PHF21A: variants seen among roughly 807,000 people sequenced by gnomAD.
PHF21A encodes the protein BHC80a.
PHF21A carries 11 observed loss-of-function variants against 82.5 expected under a neutral mutation model. The ratio of observed to expected loss-of-function variants is 0.13; its 90% confidence interval spans 0.08 to 0.22. The LOEUF is 0.22. PHF21A is among the 10% of genes least tolerant of loss of function. PHF21A has a pLI of 1.00. For synonymous variants in PHF21A, 297 were observed against 302.8 expected, an observed-to-expected ratio of 0.98 and a Z score of 0.20; for missense variants, 579 against 837.8, an observed-to-expected ratio of 0.69 and a Z score of 3.81.
At chr11:46,040,668 C>T (rs2096115883) in intron 6 of PHF21A, among the ~76,000 whole-genome samples, 1 of 152,140 alleles carries the variant, frequency 6.6e-6, no homozygotes, top group South Asian at 2.1e-4. Flanking sequence ...AACCCTTGCT[C>T]ACAATTCTAT....
intron 6 of PHF21A, among the ~76,000 whole-genome samples, chr11:46,045,866 T>C (rs936801602): frequency 6.6e-6 from 1 of 152,172 alleles, no homozygotes; most frequent in Non-Finnish European, 1.5e-5. Flanking sequence ...CCTTGAGATG[T>C]GGTCACCAGA....
intron 6 of PHF21A, among the ~76,000 whole-genome samples, chr11:46,053,965 A>G (rs2096410322): frequency 6.6e-6 from 1 of 152,146 alleles, no homozygotes; most frequent in African/African-American, 2.4e-5. Flanking sequence ...AAAAATTGGC[A>G]GCATCCACGA....
At chr11:45,994,481 C>A (rs2094832900) in intron 6 of PHF21A, among the ~76,000 whole-genome samples, 1 of 152,132 alleles carries the variant, frequency 6.6e-6, no homozygotes, top group Admixed American at 6.5e-5. Flanking sequence ...TCCTGGCTGC[C>A]CCTCCTCCAC....
chr11:45,935,739 G>C lies in PHF21A; in HGVS notation c.1685C>G (p.Ala562Gly). 4.4e-6 allele frequency: 2 copies of C among 459,568 alleles called. No homozygotes were observed. Among genetic ancestry groups the C allele is most frequent in the Non-Finnish European group, 3.1e-6 (1 of 320,166 alleles). The allele number at this position is 459,568 out of a possible 1,614,324, so 28.5% of individuals were successfully genotyped here. The change falls in exon 18 of 19, where the codon GCA becomes GGA. Residue 562 changes from alanine to glycine, a missense_variant and splice_region_variant. By Grantham distance (60) the Ala-to-Gly change is moderately conservative. This residue lies in a region of PHF21A where 157 missense variants were observed against 149.4 expected (regional missense o/e 1.05). Coordinates refer to ENST00000676320, the MANE Select transcript of PHF21A (RefSeq NM_001352027.3). ...IVHSYIAYKA[A>G]KEEEKQKLLK... ...TAACTTCTGTTTCTCTTCTTCTTTTGCTAAAAAAAAAAAAAAAAAAAAAAA... is the reference window on the plus strand; with the variant it reads ...TAACTTCTGTTTCTCTTCTTCTTTTCCTAAAAAAAAAAAAAAAAAAAAAAA...
intron 6 of PHF21A, among the ~76,000 whole-genome samples, chr11:46,052,001 T>C (rs1359638108): frequency 6.6e-6 from 1 of 152,136 alleles, no homozygotes; most frequent in Non-Finnish European, 1.5e-5. Flanking sequence ...CCTCCCAAAG[T>C]TTACTCCTAT....
rs1376528393 is a variant in PHF21A at position 46,098,569 on chromosome 11, A to G, written c.-236-6346T>C. On this transcript the variant is annotated intron_variant, in intron 1 of 18. Coordinates refer to ENST00000676320, the MANE Select transcript of PHF21A (RefSeq NM_001352027.3). ...CAAAAATCCTTATTCACAAGCTTCCATAGCTCTCACGAAGCTGTTTTCTGA... is the reference window on the plus strand; with the variant it reads ...CAAAAATCCTTATTCACAAGCTTCCGTAGCTCTCACGAAGCTGTTTTCTGA... Among the ~76,000 whole-genome samples, 3 of 152,238 alleles carry G rather than the reference A, an allele frequency of 2.0e-5. No homozygotes were observed. The East Asian group carries it at 5.8e-4, about 29-fold the overall frequency.
At chr11:46,111,475 C>CAAATAAAT (rs572155929) in intron 1 of PHF21A, among the ~76,000 whole-genome samples, 1 of 151,652 alleles carries the variant, frequency 6.6e-6, no homozygotes. Flanking sequence ...GACTCCGTCT[C>CAAATAAAT]AAATAAATAA....
At chr11:45,971,671 G>A (rs935952754) in intron 7 of PHF21A, among the ~76,000 whole-genome samples, 5 of 152,092 alleles carry the variant, frequency 3.3e-5, no homozygotes, top group Non-Finnish European at 7.4e-5. Flanking sequence ...TAGGTATACA[G>A]ATACAGAATG....
Position 46,095,151 on chromosome 11 carries a change from A to C in PHF21A, c.-236-2928T>G, listed in dbSNP as rs571671733. Among the ~76,000 whole-genome samples, 11 of 151,332 alleles carry C rather than the reference A, an allele frequency of 7.3e-5. No individual in the cohort carries two copies. In the South Asian group the frequency reaches 1.0e-3, roughly 14 times the overall value. On this transcript the variant is annotated intron_variant, in intron 1 of 18. Coordinates refer to ENST00000676320, the MANE Select transcript of PHF21A (RefSeq NM_001352027.3). ...CAGAAATCCCAAAGTGTTTCTTCTG[A>C]AGATTGAATATTAATTGACTACCAT...
intron 6 of PHF21A, among the ~76,000 whole-genome samples, chr11:46,021,190 G>T (rs1188519055): frequency 1.3e-5 from 2 of 152,058 alleles, no homozygotes; most frequent in African/African-American, 4.8e-5. Flanking sequence ...TTCCAGAGCA[G>T]CTGGAACTAC....
rs1041952552 is a variant in PHF21A at position 45,929,991 on chromosome 11, G to C, written c.*3977C>G. On this transcript the variant is annotated 3_prime_UTR_variant, in exon 19 of 19. Coordinates refer to ENST00000676320, the MANE Select transcript of PHF21A (RefSeq NM_001352027.3). ...CACTCAACAGAAGCCACGGGATCTG[G>C]AGAACCCAGGCCCTGGAAAATGCAC... 2.0e-5 allele frequency: 3 copies of C among 152,226 alleles called. No individual in the cohort carries two copies. The highest frequency in any genetic ancestry group is 4.8e-5 in the African/African-American group (2 of 41,428). 9.4% of individuals were successfully genotyped at this position (152,226 alleles called of 1,614,324 possible).
chr11:45,958,037 A>G (rs907343393), intron 10 of PHF21A, among the ~76,000 whole-genome samples: 3 of 152,098 alleles, frequency 2.0e-5, no homozygotes, highest in Non-Finnish European at 4.4e-5. Flanking sequence ...GAAAACTCCT[A>G]AAAACACACA....
chr11:45,986,214 T>C (rs1214139910), intron 6 of PHF21A, among the ~76,000 whole-genome samples: 2 of 152,020 alleles, frequency 1.3e-5, no homozygotes, highest in African/African-American at 2.4e-5. Context: ...ATTTAGACTT[T>C]AGACCTTTTA....
At chr11:46,036,806 G>A (rs2096013414) in intron 6 of PHF21A, among the ~76,000 whole-genome samples, 1 of 152,042 alleles carries the variant, frequency 6.6e-6, no homozygotes, top group Admixed American at 6.5e-5. Context: ...GTTTCTCTAG[G>A]TAGATAATCA....
chr11:46,036,357 T>A (rs939946183), intron 6 of PHF21A, among the ~76,000 whole-genome samples: 4 of 152,244 alleles, frequency 2.6e-5, no homozygotes, highest in Admixed American at 1.3e-4. Context: ...AGTGGGCAGC[T>A]GGGCTAGAAA....
At chr11:46,071,695 T>G (rs1307931195) in intron 6 of PHF21A, among the ~76,000 whole-genome samples, 1 of 150,028 alleles carries the variant, frequency 6.7e-6, no homozygotes, top group African/African-American at 2.5e-5. Flanking sequence ...CGCATTCATA[T>G]AAAAGGGTAT....
At chr11:46,018,234 A>G (rs1455276499) in intron 6 of PHF21A, among the ~76,000 whole-genome samples, 4 of 147,320 alleles carry the variant, frequency 2.7e-5, no homozygotes, top group African/African-American at 7.7e-5. Flanking sequence ...TGGGCGACAG[A>G]GCGAGACTCC....
At chr11:46,104,699 GA>G (rs2097135172) in intron 1 of PHF21A, among the ~76,000 whole-genome samples, 1 of 152,180 alleles carries the variant, frequency 6.6e-6, no homozygotes, top group Non-Finnish European at 1.5e-5. Context: ...CAGCTATCAT[GA>G]TTGAGTGTCT....
intron 6 of PHF21A, among the ~76,000 whole-genome samples, chr11:45,998,704 G>C (rs2095001548): frequency 6.6e-6 from 1 of 151,908 alleles, no homozygotes; most frequent in South Asian, 2.1e-4. Context: ...TAGAGACGGG[G>C]TTTCTCCATG....
Sources: gnomAD v4.1 joint callset for allele counts (sites outside exome capture counted in the v4.1 genomes callset) on GRCh38, gnomAD v4.1.1 for gene constraint, gnomAD v4.1.1 regional missense constraint, MANE v1.5 for transcripts, NCBI Gene and HGNC (gene_info 2026-07-23, HGNC 2026-07-21) for gene names.